Variants in KLK2 observed in about 807,000 individuals in gnomAD.
KLK2 encodes the protein kallikrein related peptidase 2.
In KLK2, 17 loss-of-function variants were observed where a neutral mutation model predicts 23.0. The observed-to-expected ratio is 0.74, with a 90% CI of 0.51 to 1.11. The LOEUF (loss-of-function observed/expected upper bound fraction) is 1.11. KLK2 is among the 50% of genes least tolerant of loss of function. The pLI, the probability that KLK2 is intolerant of heterozygous loss-of-function variation, is 0.00. For missense variants in KLK2, 330 were observed against 325.9 expected, an observed-to-expected ratio of 1.01 and a Z score of -0.10; for synonymous variants, 140 against 124.7, an observed-to-expected ratio of 1.12 and a Z score of -0.82.
chr19:50,879,836 C>T lies in KLK2; in HGVS notation c.*1277C>T, dbSNP rs866740128. The T allele has an allele frequency of 3.5e-5, 8 of 229,924 alleles. No individual in the cohort carries two copies. Among genetic ancestry groups the T allele is most frequent in the Middle Eastern group, 1.3e-3 (1 of 794 alleles). The allele number at this position is 229,924 out of a possible 1,614,324, so 14.2% of individuals were successfully genotyped here. A position where few individuals can be genotyped will look rare whatever the true frequency, so the allele number is the denominator to read the frequency against. On this transcript the variant is annotated 3_prime_UTR_variant, in exon 5 of 5. Coordinates refer to ENST00000325321, the MANE Select transcript of KLK2 (RefSeq NM_005551.5). ...AACATGCCAAGGAATCAAATGTCAT[C>T]TCCCAGGAGTTATTCAAGGGTGAGC...
intron 4 of KLK2, chr19:50,877,721 T>A (rs948189078): frequency 2.6e-5 from 4 of 155,744 alleles, no homozygotes; most frequent in Non-Finnish European, 5.7e-5. Context: ...GAGCTGTGGA[T>A]GGTGCTGGAC....
At position 50,876,763 on chromosome 19, in the gene KLK2, G is replaced by A. The variant is rs375087902; in HGVS notation, c.493+5G>A. On this transcript the variant is annotated splice_donor_5th_base_variant and intron_variant, in intron 3 of 4. Coordinates refer to ENST00000325321, the MANE Select transcript of KLK2 (RefSeq NM_005551.5). ...GCAGCATCGAACCAGAGGAGTGTAC[G>A]CCTGGGCCAGATGGTGTAGCTGGGA... is the stretch of plus-strand genomic sequence containing the variant. The A allele has an allele frequency of 2.7e-5, 43 of 1,613,318 alleles. No individual in the cohort carries two copies. In the African/African-American group the frequency reaches 2.7e-4, roughly 10 times the overall value.
chr19:50,873,665 T>C, intron 1 of KLK2, 146 bp downstream of exon 1: 1 of 607,828 alleles, frequency 1.6e-6, no homozygotes, highest in East Asian at 2.9e-5. Context: ...ATTGCAATAG[T>C]CCTCATGCCC....
intron 4 of KLK2, among the ~76,000 whole-genome samples, 177 bp from the exon 5 acceptor site, chr19:50,878,227 T>A (rs2090309152): frequency 6.6e-6 from 1 of 152,110 alleles, no homozygotes; most frequent in Non-Finnish European, 1.5e-5. Flanking sequence ...CCTTGTTCCC[T>A]CTGTTGGACT....
In KLK2 at chr19:50,874,891, C is replaced by T; in HGVS notation, c.206+11C>T. 1 of 1,611,340 alleles carries T rather than the reference C, an allele frequency of 6.2e-7. No homozygotes were observed. Among genetic ancestry groups the T allele is most frequent in the East Asian group, 2.2e-5 (1 of 44,722 alleles). On this transcript the variant is annotated intron_variant, in intron 2 of 4. Transcript: ENST00000325321. ...CCATTGCCTAAAGAAGTAAGTAGGACCCTGGGATCTGGGGAGGGAATGGCT... is the reference window on the plus strand; with the variant it reads ...CCATTGCCTAAAGAAGTAAGTAGGATCCTGGGATCTGGGGAGGGAATGGCT...
chr19:50,873,760 A>C, intron 1 of KLK2: 1 of 528,978 alleles, frequency 1.9e-6, no homozygotes, highest in Non-Finnish European at 3.3e-6. Flanking sequence ...TGCTTTACTA[A>C]AGAGCAAGTT....
chr19:50,876,174 T>A (rs1294492707), intron 2 of KLK2: 16 of 428,884 alleles, frequency 3.7e-5, no homozygotes, highest in Non-Finnish European at 5.8e-5. Flanking sequence ...GCTGTCTCTG[T>A]CTCTTCTTTG....
rs1059712 is a variant in KLK2, at chr19:50,878,545, G to C, written c.772G>C (p.Ala258Pro). 6.2e-7 allele frequency: 1 copy of C among 1,613,204 alleles called. No homozygotes were observed. The highest frequency in any genetic ancestry group is 1.3e-5 in the African/African-American group (1 of 74,884). The change falls in exon 5 of 5, where the codon GCA (alanine) becomes CCA (proline). Residue 258 changes from alanine (A) to proline (P), a missense_variant. By Grantham distance (27) the Ala-to-Pro change is conservative (BLOSUM62 -1). Coordinates refer to ENST00000325321, the MANE Select transcript of KLK2 (RefSeq NM_005551.5). ...CCGGAAGTGGATCAAGGACACCATC[G>C]CAGCCAACCCCTGAGTGCCCCTGTC... The part of the protein sequence containing the change: ...HYRKWIKDTI[A>P]ANP
chr19:50,874,620 C>A, intron 1 of KLK2, 101 bp from the exon 2 acceptor site: 1 of 957,302 alleles, frequency 1.0e-6, no homozygotes, highest in Non-Finnish European at 1.6e-6. Context: ...ACTCCCAGTC[C>A]TGGTCCTCTG....
chr19:50,876,165 C>T, intron 2 of KLK2: 1 of 398,050 alleles, frequency 2.5e-6, no homozygotes, highest in Non-Finnish European at 4.5e-6. Context: ...CTATTTCTTG[C>T]TGTCTCTGTC....
intron 4 of KLK2, among the ~76,000 whole-genome samples, chr19:50,878,014 TC>T (rs2090306835): frequency 6.6e-6 from 1 of 152,062 alleles, no homozygotes; most frequent in Admixed American, 6.5e-5. Context: ...CCTCCATGGC[TC>T]CCCAATGCCC....
At chr19:50,877,346 T>G (rs198974) in intron 4 of KLK2, 151,957 of 366,374 alleles carry the variant, frequency 0.41, 37,193 homozygotes, top group African/African-American at 0.84. Flanking sequence ...TGAGGGGCAC[T>G]GGCAGGAACA....
chr19:50,874,616 A>G, intron 1 of KLK2, 105 bp from the exon 2 acceptor site: 1 of 901,058 alleles, frequency 1.1e-6, no homozygotes. Flanking sequence ...CTGGACTCCC[A>G]GTCCTGGTCC....
Position 50,880,333 on chromosome 19 carries a change from T to C in KLK2, c.*1774T>C, listed in dbSNP as rs1051381124. ...ATAGTAACAAGACGGTGGGGCAAACTCTGATTTCCGTGGGGGAATGTCATG... is the reference window on the plus strand; with the variant it reads ...ATAGTAACAAGACGGTGGGGCAAACCCTGATTTCCGTGGGGGAATGTCATG... On this transcript the variant is annotated 3_prime_UTR_variant, in exon 5 of 5. Transcript: ENST00000325321. 1 of 226,136 alleles carries C rather than the reference T, an allele frequency of 4.4e-6. No homozygotes were observed. Among genetic ancestry groups the C allele is most frequent in the African/African-American group, 2.2e-5 (1 of 44,850 alleles). 14.0% of individuals were successfully genotyped at this position (226,136 alleles called of 1,614,324 possible). A position where few individuals can be genotyped will look rare whatever the true frequency, so the allele number is the denominator to read the frequency against.
intron 4 of KLK2, chr19:50,877,292 A>G (rs1447363585): frequency 2.0e-6 from 1 of 503,074 alleles, no homozygotes; most frequent in East Asian, 3.4e-5. Context: ...AGCAGCAGTG[A>G]ACAGGTAGAG....
intron 1 of KLK2, chr19:50,874,444 C>T (rs1223464007): frequency 6.6e-6 from 2 of 301,746 alleles, no homozygotes; most frequent in Non-Finnish European, 1.2e-5. Context: ...CAACCCCCAA[C>T]CCGATGCCTG....
rs577689903 is a variant in KLK2 at position 50,880,394 on chromosome 19, T to G, written c.*1835T>G. 1.8e-5 allele frequency: 4 copies of G among 220,848 alleles called. No homozygotes were observed. Among genetic ancestry groups the G allele is most frequent in the Admixed American group, 5.8e-5 (1 of 17,316 alleles). 13.7% of individuals were successfully genotyped at this position (220,848 alleles called of 1,614,324 possible). A position where few individuals can be genotyped will look rare whatever the true frequency, so the allele number is the denominator to read the frequency against. On this transcript the variant is annotated 3_prime_UTR_variant, in exon 5 of 5. Coordinates refer to ENST00000325321, the MANE Select transcript of KLK2 (RefSeq NM_005551.5). ...ACTAAGTTTTGAGACTGGCAGGTAG[T>G]GAAACTCATTAGGCTGAGAACCTTG...
chr19:50,873,907 T>C (rs2664156), intron 1 of KLK2: 160,102 of 202,604 alleles, frequency 0.79, 63,558 homozygotes, highest in East Asian at 0.85. Flanking sequence ...TGACTTTTCC[T>C]ATTCAGCTGT....
chr19:50,873,503 G>C lies in KLK2; in HGVS notation c.30G>C (p.Leu10Phe), dbSNP rs146007033. The C allele has an allele frequency of 6.2e-7, 1 of 1,601,340 alleles. No individual in the cohort carries two copies. The highest frequency in any genetic ancestry group is 1.1e-5 in the South Asian group (1 of 89,136). The change falls in exon 1 of 5, where the codon TTG becomes TTC. Residue 10 changes from leucine to phenylalanine, a missense_variant. Transcript: ENST00000325321. The part of the protein sequence containing the change: MWDLVLSIA[L>F]SVGCTGAVPL... ...GGGACCTGGTTCTCTCCATCGCCTTGTCTGTGGGGTGCACTGGTGAGATTG... is the reference window on the plus strand; with the variant it reads ...GGGACCTGGTTCTCTCCATCGCCTTCTCTGTGGGGTGCACTGGTGAGATTG...
Sources: gnomAD v4.1 joint callset for allele counts (sites outside exome capture counted in the v4.1 genomes callset) on GRCh38, gnomAD v4.1.1 for gene constraint, MANE v1.5 for transcripts, NCBI Gene and HGNC (gene_info 2026-07-23, HGNC 2026-07-21) for gene names.